ARHGAP10: variants seen among roughly 807,000 people sequenced by gnomAD.
ARHGAP10 encodes the protein Rho GTPase activating protein 10, also known as rho GTPase-activating protein 10.
A neutral mutation model predicts 108.6 loss-of-function variants in ARHGAP10; 87 were observed. That is an observed-to-expected ratio of 0.80 (90% CI 0.67 to 0.96). ARHGAP10 has a LOEUF of 0.96. ARHGAP10 is among the 40% of genes least tolerant of loss of function. ARHGAP10 has a pLI of 0.00. For synonymous variants in ARHGAP10, 347 were observed against 341.1 expected (o/e 1.02, Z -0.19); for missense variants, 939 against 954.5 (o/e 0.98, Z 0.21).
intron 18 of ARHGAP10, among the ~76,000 whole-genome samples, chr4:148,005,404 C>G (rs1161153568): frequency 6.6e-6 from 1 of 151,878 alleles, no homozygotes; most frequent in Non-Finnish European, 1.5e-5. Context: ...GGCAACATAG[C>G]GAGACCCCAT....
chr4:148,026,671 A>G (rs1727871285), intron 19 of ARHGAP10, among the ~76,000 whole-genome samples: 1 of 152,220 alleles, frequency 6.6e-6, no homozygotes, highest in Non-Finnish European at 1.5e-5. Context: ...AAATTAGAGC[A>G]GCTGTTAAAT....
chr4:147,766,015 C>T (rs941312793), intron 1 of ARHGAP10, among the ~76,000 whole-genome samples: 2 of 151,848 alleles, frequency 1.3e-5, no homozygotes, highest in South Asian at 2.1e-4. Flanking sequence ...TGGCTGGGTG[C>T]GGTACCTGTA....
intron 1 of ARHGAP10, among the ~76,000 whole-genome samples, chr4:147,762,552 A>G (rs1415707300): frequency 6.7e-6 from 1 of 148,648 alleles, no homozygotes; most frequent in Non-Finnish European, 1.5e-5. Flanking sequence ...TTTTTTTGAG[A>G]CGGAGTCTTG....
chr4:147,797,131 C>T (rs1731347414), intron 1 of ARHGAP10, among the ~76,000 whole-genome samples: 1 of 152,188 alleles, frequency 6.6e-6, no homozygotes, highest in African/African-American at 2.4e-5. Context: ...ACTGAATAGC[C>T]TGTAACTGGT....
chr4:147,733,191 T>C (rs1004629358), intron 1 of ARHGAP10, among the ~76,000 whole-genome samples: 2 of 152,184 alleles, frequency 1.3e-5, no homozygotes. Context: ...TCCCCTGAAC[T>C]TCTGTCTCTT....
chr4:148,046,103 G>A (rs1728869586), intron 19 of ARHGAP10, among the ~76,000 whole-genome samples: 1 of 152,210 alleles, frequency 6.6e-6, no homozygotes, highest in Non-Finnish European at 1.5e-5. Flanking sequence ...ATGGTAGCTG[G>A]GAGGACTGTG....
chr4:147,877,819 C>CTTT (rs549355620), intron 8 of ARHGAP10, among the ~76,000 whole-genome samples: 2,674 of 131,440 alleles, frequency 0.02, 119 homozygotes, highest in African/African-American at 0.063. Context: ...ATTCTTCATA[C>CTTT]TTTTTTTTTT....
chr4:147,913,616 T>G (rs927076924), intron 13 of ARHGAP10, among the ~76,000 whole-genome samples: 1 of 152,132 alleles, frequency 6.6e-6, no homozygotes, highest in African/African-American at 2.4e-5. Context: ...AGTTTCTTCT[T>G]ATAAGGGCCT....
At chr4:148,057,501 T>G (rs1729415180) in intron 20 of ARHGAP10, among the ~76,000 whole-genome samples, 1 of 152,198 alleles carries the variant, frequency 6.6e-6, no homozygotes, top group Admixed American at 6.5e-5. Context: ...TCATGTGGAA[T>G]AATAGGGTGG....
At chr4:148,039,007 C>A (rs2149674940) in intron 19 of ARHGAP10, among the ~76,000 whole-genome samples, 1 of 152,240 alleles carries the variant, frequency 6.6e-6, no homozygotes, top group African/African-American at 2.4e-5. Context: ...TCCAATAAGA[C>A]AAATAATTTA....
chr4:147,738,469 C>T (rs1032355634), intron 1 of ARHGAP10, among the ~76,000 whole-genome samples: 8 of 152,032 alleles, frequency 5.3e-5, no homozygotes, highest in African/African-American at 9.7e-5. Flanking sequence ...AGGAGAATGG[C>T]GTGGACCCAG....
intron 18 of ARHGAP10, among the ~76,000 whole-genome samples, chr4:148,011,768 C>T (rs1474587005): frequency 6.6e-6 from 1 of 152,118 alleles, no homozygotes; most frequent in Admixed American, 6.5e-5. Context: ...TAGCCATTTT[C>T]TCTTTGGAAT....
rs1738105159 is a variant in ARHGAP10 at position 147,939,855 on chromosome 4, TG to T, written c.1264del (p.Val422Ter). On this transcript the variant is annotated frameshift_variant, in exon 14 of 23. Transcript: ENST00000336498. LOFTEE classifies it high-confidence loss of function. Reference protein sequence around the residue: ...GINDQGLYRVVGVSSKVQRLL... With the variant: ...GINDQGLYRVXGVSSKVQRLL... ...AATGACCAAGGATTGTACAGAGTTG[TG>T]GGGGTGAGTTCAAAGGTCCAGAGAC... is the stretch of plus-strand genomic sequence containing the variant. The T allele has an allele frequency of 6.2e-7, 1 of 1,614,070 alleles. No homozygotes were observed. The highest frequency in any genetic ancestry group is 8.5e-7 in the Non-Finnish European group (1 of 1,179,954).
intron 1 of ARHGAP10, among the ~76,000 whole-genome samples, chr4:147,762,349 A>C (rs17023770): frequency 6.6e-6 from 1 of 151,766 alleles, no homozygotes; most frequent in Non-Finnish European, 1.5e-5. Flanking sequence ...GCCACAAATT[A>C]ATGTTATTTC....
intron 18 of ARHGAP10, among the ~76,000 whole-genome samples, chr4:147,990,536 C>G (rs1324624803): frequency 6.6e-6 from 1 of 152,170 alleles, no homozygotes; most frequent in African/African-American, 2.4e-5. Flanking sequence ...TCGATGGAAT[C>G]AATCCAAATG....
At chr4:147,928,039 C>G (rs754528635) in intron 13 of ARHGAP10, among the ~76,000 whole-genome samples, 5 of 152,214 alleles carry the variant, frequency 3.3e-5, no homozygotes, top group Non-Finnish European at 4.4e-5. Context: ...AAAATGCTTT[C>G]TCTTGTGTTG....
chr4:148,062,598 A>T (rs1729669690), intron 20 of ARHGAP10, among the ~76,000 whole-genome samples: 1 of 152,176 alleles, frequency 6.6e-6, no homozygotes. Flanking sequence ...AAAAAGGGAA[A>T]TATTAAGAAA....
chr4:147,815,292 C>T (rs574025947), intron 1 of ARHGAP10, among the ~76,000 whole-genome samples: 5 of 152,170 alleles, frequency 3.3e-5, no homozygotes, highest in Admixed American at 6.5e-5. Flanking sequence ...GATAGTTAAC[C>T]GAATCTACAA....
chr4:148,063,390 CA>C, intron 21 of ARHGAP10, 90 bp downstream of exon 21: 1 of 1,520,482 alleles, frequency 6.6e-7, no homozygotes, highest in Non-Finnish European at 8.9e-7. Context: ...TCTCTGCTGG[CA>C]AAAGCTTGCC....
Sources: allele counts gnomAD v4.1 joint callset (sites outside exome capture counted in the v4.1 genomes callset), GRCh38; gene constraint gnomAD v4.1.1; transcripts MANE v1.5; gene names NCBI Gene and HGNC (gene_info 2026-07-23, HGNC 2026-07-21).